Variants in TSC22D1 observed in about 807,000 individuals in gnomAD.
TSC22D1 encodes the protein TSC22 domain family member 1, also known as TSC22 domain family protein 1.
In TSC22D1, 9 loss-of-function variants were observed where a neutral mutation model predicts 74.2. The ratio of observed to expected loss-of-function variants is 0.12; its 90% confidence interval spans 0.07 to 0.21. The LOEUF is 0.21. TSC22D1 is among the 10% of genes least tolerant of loss of function. The pLI is 1.00. For missense variants in TSC22D1, 1,427 were observed against 1,304.7 expected (o/e 1.09, Z -1.44); for synonymous variants, 586 against 492.5 (o/e 1.19, Z -2.51).
intron 1 of TSC22D1, chr13:44,436,868 C>A: frequency 8.1e-7 from 1 of 1,227,620 alleles, no homozygotes. Flanking sequence ...CCAGGACTCC[C>A]AGTCTTAGTG....
chr13:44,542,872 A>G (rs115738310), intron 1 of TSC22D1, among the ~76,000 whole-genome samples: 2,060 of 152,256 alleles, frequency 0.014, 59 homozygotes, highest in African/African-American at 0.047. Flanking sequence ...AAAATGATAC[A>G]GGAAGCCCTT....
At chr13:44,532,916 A>C (rs896910091) in intron 1 of TSC22D1, among the ~76,000 whole-genome samples, 2 of 152,090 alleles carry the variant, frequency 1.3e-5, no homozygotes, top group Non-Finnish European at 2.9e-5. Flanking sequence ...TTTGAAAGGG[A>C]TCAGACTTGC....
intron 1 of TSC22D1, chr13:44,537,610 TTA>T (rs1232417619): frequency 1.0e-6 from 1 of 984,780 alleles, no homozygotes; most frequent in African/African-American, 1.7e-5. Context: ...TTTTTTTAAT[TTA>T]TATGTGTTTG....
At chr13:44,436,295 C>G in intron 1 of TSC22D1, 200 bp from the exon 2 acceptor site, 1 of 894,604 alleles carries the variant, frequency 1.1e-6, no homozygotes, top group East Asian at 2.6e-5. Flanking sequence ...TTTTAGTAAG[C>G]CACAAAGGAC....
chr13:44,448,876 C>A (rs770475944), intron 1 of TSC22D1, among the ~76,000 whole-genome samples: 3 of 138,516 alleles, frequency 2.2e-5, no homozygotes, highest in Non-Finnish European at 4.6e-5. Flanking sequence ...GAAGTGCACA[C>A]CAGAAATTCT....
chr13:44,445,216 TACACACACACACACAC>T (rs55714213), intron 1 of TSC22D1, among the ~76,000 whole-genome samples: 69,922 of 144,664 alleles, frequency 0.48, 16,369 homozygotes, highest in East Asian at 0.63. Flanking sequence ...AGGTCAAAGA[TACACACACACACACAC>T]ACACACACAC....
chr13:44,434,489 T>G lies in TSC22D1; in HGVS notation c.*137A>C. 7.2e-6 allele frequency: 10 copies of G among 1,397,446 alleles called. No individual in the cohort carries two copies. Among genetic ancestry groups the G allele is most frequent in the Non-Finnish European group, 9.3e-6 (10 of 1,080,892 alleles). 86.6% of individuals were successfully genotyped at this position (1,397,446 alleles called of 1,614,324 possible). On this transcript the variant is annotated 3_prime_UTR_variant, in exon 3 of 3. Transcript: ENST00000458659. The stretch of plus-strand genomic sequence containing the variant: ...TGAGTGTTTAATACTGGAAAAGAGA[T>G]AATGGCATATGTCAGTCTCACGTCT...
At chr13:44,459,635 G>A (rs368286135) in intron 1 of TSC22D1, among the ~76,000 whole-genome samples, 2 of 152,194 alleles carry the variant, frequency 1.3e-5, no homozygotes, top group South Asian at 2.1e-4. Context: ...CCTTCAGGAA[G>A]CCCAGACCTA....
chr13:44,460,073 C>T (rs768055966), intron 1 of TSC22D1, among the ~76,000 whole-genome samples: 10 of 152,152 alleles, frequency 6.6e-5, no homozygotes, highest in Non-Finnish European at 1.5e-4. Context: ...GCTGAAAAAG[C>T]GACACCCCAA....
intron 1 of TSC22D1, among the ~76,000 whole-genome samples, chr13:44,475,101 A>G (rs898881999): frequency 1.3e-5 from 2 of 152,186 alleles, no homozygotes; most frequent in African/African-American, 4.8e-5. Flanking sequence ...AACCAAAAAA[A>G]CAAGTGAAAG....
intron 1 of TSC22D1, among the ~76,000 whole-genome samples, chr13:44,567,864 T>A (rs1364032811): frequency 6.6e-6 from 1 of 151,848 alleles, no homozygotes; most frequent in African/African-American, 2.4e-5. Context: ...GCACAGTGAA[T>A]GAAAACAGAC....
At chr13:44,437,535 C>T (rs547159476) in intron 1 of TSC22D1, among the ~76,000 whole-genome samples, 116 of 152,174 alleles carry the variant, frequency 7.6e-4, no homozygotes, top group African/African-American at 2.7e-3. Context: ...CAGATAAAAT[C>T]CAGGATCTTC....
At chr13:44,435,876 G>T in intron 2 of TSC22D1, 168 bp downstream of exon 2, 1 of 719,080 alleles carries the variant, frequency 1.4e-6, no homozygotes, top group Non-Finnish European at 2.5e-6. Context: ...CTCCACGGCT[G>T]CCGTGGTAGG....
At chr13:44,517,764 T>TATACATATATACAC (rs1491156692) in intron 1 of TSC22D1, among the ~76,000 whole-genome samples, 19 of 134,548 alleles carry the variant, frequency 1.4e-4, no homozygotes, top group Non-Finnish European at 1.9e-4. Flanking sequence ...TGTGTGTGTG[T>TATACATATATACAC]ATATATATAT....
chr13:44,497,657 C>A (rs1281104409), intron 1 of TSC22D1, among the ~76,000 whole-genome samples: 1 of 152,170 alleles, frequency 6.6e-6, no homozygotes, highest in Admixed American at 6.5e-5. Flanking sequence ...TACACCCCAC[C>A]TGTCACTGAG....
intron 1 of TSC22D1, chr13:44,539,562 C>T (rs1881344623): frequency 6.1e-6 from 6 of 985,204 alleles, no homozygotes; most frequent in Non-Finnish European, 7.2e-6. Flanking sequence ...CCAAATCATC[C>T]ACTGCTTTAA....
At chr13:44,456,259 G>T (rs1004082662) in intron 1 of TSC22D1, among the ~76,000 whole-genome samples, 1 of 152,198 alleles carries the variant, frequency 6.6e-6, no homozygotes, top group Non-Finnish European at 1.5e-5. Flanking sequence ...CGAGCGGGTT[G>T]CTGCTGCTGG....
intron 1 of TSC22D1, among the ~76,000 whole-genome samples, chr13:44,456,962 C>G (rs1432875729): frequency 6.6e-6 from 1 of 152,182 alleles, no homozygotes; most frequent in Non-Finnish European, 1.5e-5. Flanking sequence ...TAAAATAATT[C>G]AAGAAAACTT....
Position 44,576,227 on chromosome 13 carries a change from C to T in TSC22D1, c.-153G>A. The T allele has an allele frequency of 8.6e-7, 1 of 1,164,418 alleles. No homozygotes were observed. The highest frequency in any genetic ancestry group is 1.2e-6 in the Non-Finnish European group (1 of 857,862). 72.1% of individuals were successfully genotyped at this position (1,164,418 alleles called of 1,614,324 possible). On this transcript the variant is annotated 5_prime_UTR_variant, in exon 1 of 3. Coordinates refer to ENST00000458659, the MANE Select transcript of TSC22D1 (RefSeq NM_183422.4). Reference sequence around the variant, plus strand: ...CCTCCTCAGCCAAAGGCGCCGGTCGCTCCTGCCTTCGAGAGCGAGCTTCGG... The same window carrying T: ...CCTCCTCAGCCAAAGGCGCCGGTCGTTCCTGCCTTCGAGAGCGAGCTTCGG...
Sources: gnomAD v4.1 joint callset for allele counts (sites outside exome capture counted in the v4.1 genomes callset) on GRCh38, gnomAD v4.1.1 for gene constraint, MANE v1.5 for transcripts, NCBI Gene and HGNC (gene_info 2026-07-23, HGNC 2026-07-21) for gene names.